The following WWTR1 variants were observed in gnomAD, a reference collection of about 807,000 sequenced individuals.
WWTR1 encodes the protein WW domain-containing transcription regulator protein 1.
A neutral mutation model predicts 40.1 loss-of-function variants in WWTR1; 13 were observed. The ratio of observed to expected loss-of-function variants is 0.32; its 90% confidence interval spans 0.21 to 0.52. The LOEUF (loss-of-function observed/expected upper bound fraction) is 0.52. WWTR1 is among the 20% of genes least tolerant of loss of function. The pLI, the probability that WWTR1 is intolerant of heterozygous loss-of-function variation, is 0.97. For missense variants in WWTR1, 436 were observed against 523.1 expected (o/e 0.83, Z 1.63); for synonymous variants, 230 against 210.1 (o/e 1.09, Z -0.82).
intron 2 of WWTR1, among the ~76,000 whole-genome samples, chr3:149,646,790 T>G (rs1038198359): frequency 3.9e-5 from 6 of 152,170 alleles, no homozygotes; most frequent in African/African-American, 1.2e-4. Context: ...CTGAATAAAG[T>G]GTTAACAATG....
intron 5 of WWTR1, among the ~76,000 whole-genome samples, chr3:149,714,021 C>T (rs1272667537): frequency 6.6e-6 from 1 of 152,252 alleles, no homozygotes; most frequent in Non-Finnish European, 1.5e-5. Context: ...CCCCAGATCC[C>T]ACCGCTCTGG....
intron 2 of WWTR1, among the ~76,000 whole-genome samples, chr3:149,573,282 G>A (rs150160441): frequency 1.3e-5 from 2 of 152,166 alleles, no homozygotes; most frequent in East Asian, 3.9e-4. Flanking sequence ...ACTTCCCCTC[G>A]GCCCGTGGAG....
At chr3:149,546,367 G>A (rs1340667566) in intron 3 of WWTR1, among the ~76,000 whole-genome samples, 1 of 152,184 alleles carries the variant, frequency 6.6e-6, no homozygotes, top group African/African-American at 2.4e-5. Flanking sequence ...TCCATCAGTG[G>A]GAGATATGGT....
chr3:149,570,091 T>C (rs1737546515), intron 3 of WWTR1, among the ~76,000 whole-genome samples: 2 of 152,248 alleles, frequency 1.3e-5, no homozygotes, highest in Admixed American at 6.5e-5. Context: ...TCTGACTGTA[T>C]TGAGACTCTC....
chr3:149,602,833 T>C (rs1739299925), intron 2 of WWTR1, among the ~76,000 whole-genome samples: 1 of 152,096 alleles, frequency 6.6e-6, no homozygotes, highest in Non-Finnish European at 1.5e-5. Flanking sequence ...CTAATTTTTG[T>C]ATTTACAGTA....
At chr3:149,631,892 C>T (rs533139163) in intron 2 of WWTR1, among the ~76,000 whole-genome samples, 1 of 152,186 alleles carries the variant, frequency 6.6e-6, no homozygotes, top group South Asian at 2.1e-4. Context: ...GGCATGATAC[C>T]TTAATAAAAT....
At chr3:149,595,199 A>G (rs1440778758) in intron 2 of WWTR1, among the ~76,000 whole-genome samples, 1 of 151,834 alleles carries the variant, frequency 6.6e-6, no homozygotes, top group Admixed American at 6.6e-5. Context: ...TAACCTCGTG[A>G]TCCACTCACC....
chr3:149,633,195 C>G (rs1222489367), intron 2 of WWTR1, among the ~76,000 whole-genome samples: 1 of 152,038 alleles, frequency 6.6e-6, no homozygotes, highest in Non-Finnish European at 1.5e-5. Flanking sequence ...TCAAGGACAG[C>G]CTGGGCAACA....
At chr3:149,670,347 G>C (rs1714019331) in intron 1 of WWTR1, among the ~76,000 whole-genome samples, 1 of 152,162 alleles carries the variant, frequency 6.6e-6, no homozygotes, top group African/African-American at 2.4e-5. Flanking sequence ...CCTCCTCAGG[G>C]GAATCTTAGA....
At chr3:149,648,868 T>C (rs1455815442) in intron 2 of WWTR1, 1 of 152,240 alleles carries the variant, frequency 6.6e-6, no homozygotes, top group Non-Finnish European at 1.5e-5. Context: ...TTTGTCTGTG[T>C]TCCCCTTCTC....
rs1560041441 is a variant in WWTR1 at position 149,520,977 on chromosome 3, C to T, written c.1031G>A (p.Gly344Glu). The change falls in exon 7 of 7, where the codon GGA (glycine) becomes GAA (glutamate). Residue 344 changes from glycine to glutamate, a missense_variant. Coordinates refer to ENST00000360632, the MANE Select transcript of WWTR1 (RefSeq NM_015472.6). ...GGGATTGATGTTCATGGGTGTTTGT[C>T]CTGCGTTTTCTCCTATAACAAAATG... ...VDEMDTGENA[G>E]QTPMNINPQQ... 4.4e-6 allele frequency: 7 copies of T among 1,599,006 alleles called. 1 individual carries two copies. The Middle Eastern group carries it at 5.0e-4, about 115-fold the overall frequency.
intron 2 of WWTR1, among the ~76,000 whole-genome samples, chr3:149,578,174 G>A (rs549414201): frequency 8.1e-4 from 124 of 152,178 alleles, no homozygotes; most frequent in African/African-American, 2.8e-3. Context: ...AGACTCTGTG[G>A]GCTCTGCAAA....
chr3:149,553,328 G>A (rs1736691782), intron 3 of WWTR1, among the ~76,000 whole-genome samples: 1 of 152,130 alleles, frequency 6.6e-6, no homozygotes, highest in Admixed American at 6.5e-5. Flanking sequence ...TACGTGATAA[G>A]TTAAATTTGG....
chr3:149,712,632 C>A (rs1559847866), intron 5 of WWTR1, among the ~76,000 whole-genome samples: 2 of 152,246 alleles, frequency 1.3e-5, no homozygotes, highest in South Asian at 4.1e-4. Context: ...TATTATTGAA[C>A]CTTATGAATA....
upstream of WWTR1, among the ~76,000 whole-genome samples, chr3:149,706,915 C>T (rs1715347684): frequency 6.6e-6 from 1 of 152,108 alleles, no homozygotes; most frequent in Non-Finnish European, 1.5e-5. Context: ...GCCAAAACTA[C>T]AATAAGGTTT....
At chr3:149,639,053 C>T (rs1316566453) in intron 2 of WWTR1, among the ~76,000 whole-genome samples, 1 of 152,224 alleles carries the variant, frequency 6.6e-6, no homozygotes, top group Non-Finnish European at 1.5e-5. Flanking sequence ...AACAATGCCA[C>T]TTAAAGACAC....
chr3:149,718,283 T>C (rs1385245411), intron 4 of WWTR1, among the ~76,000 whole-genome samples: 1 of 152,108 alleles, frequency 6.6e-6, no homozygotes, highest in African/African-American at 2.4e-5. Context: ...AGGAAGCAGA[T>C]TAAGAAAAAA....
At chr3:149,534,212 G>T (rs1005783375) in intron 4 of WWTR1, among the ~76,000 whole-genome samples, 1 of 152,026 alleles carries the variant, frequency 6.6e-6, no homozygotes, top group Non-Finnish European at 1.5e-5. Context: ...AGAAAAACGT[G>T]TTATTTCATC....
Position 149,622,502 on chromosome 3 carries a change from G to GAAGAAAGAAAGAAAGAAAGA in WWTR1, c.431+34354_431+34373dup, listed in dbSNP as rs60148340. Among the ~76,000 whole-genome samples, 422 of 46,232 alleles carry GAAGAAAGAAAGAAAGAAAGA rather than the reference G, an allele frequency of 9.1e-3. 17 individuals are homozygous for GAAGAAAGAAAGAAAGAAAGA. Among genetic ancestry groups the GAAGAAAGAAAGAAAGAAAGA allele is most frequent in the Admixed American group, 0.012 (41 of 3,314 alleles). 30.3% of individuals were successfully genotyped at this position (46,232 alleles called of 152,430 possible). A position where few individuals can be genotyped will look rare whatever the true frequency, so the allele number is the denominator to read the frequency against. ...GGAAGGAAGGAAGGAAGGAAGGAAG[G>GAAGAAAGAAAGAAAGAAAGA]AAGAAAGAAAGAAAGAAAGAAAGAA... On this transcript the variant is annotated intron_variant, in intron 2 of 6. Transcript: ENST00000360632.
Sources: gnomAD v4.1 joint callset for allele counts (sites outside exome capture counted in the v4.1 genomes callset) on GRCh38, gnomAD v4.1.1 for gene constraint, MANE v1.5 for transcripts, NCBI Gene and HGNC (gene_info 2026-07-23, HGNC 2026-07-21) for gene names.